CNTNAP4: variants seen among roughly 807,000 people sequenced by gnomAD.
CNTNAP4 encodes the protein contactin associated protein family member 4, also known as contactin-associated protein-like 4.
In CNTNAP4, 98 loss-of-function variants were observed where a neutral mutation model predicts 148.4. The ratio of observed to expected loss-of-function variants is 0.66; its 90% CI spans 0.56 to 0.78. The LOEUF is 0.78. Ranked by LOEUF, CNTNAP4 falls within the 30% of genes least tolerant of loss-of-function variation. The pLI is 0.00. For missense variants in CNTNAP4, 1,935 were observed against 1,565.6 expected, an observed-to-expected ratio of 1.24 and a Z score of -3.98; for synonymous variants, 730 against 565.1, an observed-to-expected ratio of 1.29 and a Z score of -4.14.
chr16:76,367,771 A>C lies in CNTNAP4; in HGVS notation c.390+12260A>C, dbSNP rs888657046. Among the ~76,000 whole-genome samples, 5 of 152,294 alleles carry C rather than the reference A, an allele frequency of 3.3e-5. No homozygotes were observed. The South Asian group carries it at 1.0e-3, about 32-fold the overall frequency. On this transcript the variant is annotated intron_variant, in intron 3 of 23. Transcript: ENST00000611870. The stretch of plus-strand genomic sequence containing the variant: ...ATATCTGAATAACTGTCACTGGCTT[A>C]GTGGGTGTCGCCACCACACATCAGG...
intron 17 of CNTNAP4, among the ~76,000 whole-genome samples, chr16:76,531,574 G>T (rs1597082132): frequency 6.6e-6 from 1 of 152,140 alleles, no homozygotes; most frequent in East Asian, 1.9e-4. Context: ...TTAATTGGAA[G>T]ACAGTTCCAA....
chr16:76,489,716 G>T lies in CNTNAP4; in HGVS notation c.1913G>T (p.Gly638Val). ...ETAWTIIQHN[G>V]SDLTRVRNTN... ...GCATGGACCATCATACAGCACAACG[G>T]CTCTGACTTAACAAGAGTCAGAAAT... Residue 638 changes from glycine (G) to valine (V), a missense_variant, in exon 13 of 24, where the codon GGC becomes GTC. Gly to Val is a moderately radical substitution (Grantham distance 109, BLOSUM62 -3). Coordinates refer to ENST00000611870, the MANE Select transcript of CNTNAP4 (RefSeq NM_033401.5). The T allele has an allele frequency of 6.2e-7, 1 of 1,602,888 alleles. No individual in the cohort carries two copies. Among genetic ancestry groups the T allele is most frequent in the Non-Finnish European group, 8.5e-7 (1 of 1,173,632 alleles).
intron 8 of CNTNAP4, among the ~76,000 whole-genome samples, chr16:76,460,424 T>G (rs1164685765): frequency 6.6e-6 from 1 of 151,642 alleles, no homozygotes; most frequent in Admixed American, 6.6e-5. Flanking sequence ...CTACTATTTC[T>G]ATGTAAGAAC....
chr16:76,297,226 A>G (rs1959406716), intron 1 of CNTNAP4, among the ~76,000 whole-genome samples: 1 of 152,208 alleles, frequency 6.6e-6, no homozygotes, highest in Non-Finnish European at 1.5e-5. Context: ...TTTAGATTTC[A>G]TCATTTCTAA....
At position 76,522,709 on chromosome 16, in the gene CNTNAP4, T is replaced by C. The variant is rs1568497580; in HGVS notation, c.2755+452T>C. On this transcript the variant is annotated intron_variant, in intron 17 of 23. Transcript: ENST00000611870. ...CTCCTTTCTTTTCTTTTCTTTTCTT[T>C]TCTTTTCTTTTCTTTTCTTTTCTTT... Among the ~76,000 whole-genome samples the C allele has an allele frequency of 1.1e-3, 44 of 39,188 alleles. 2 individuals are homozygous for C. The highest frequency in any genetic ancestry group is 3.5e-3 in the Admixed American group (12 of 3,434). 25.7% of individuals were successfully genotyped at this position (39,188 alleles called of 152,430 possible).
rs1213398113 is a variant in CNTNAP4 at position 76,498,669 on chromosome 16, G to T, written c.2340G>T (p.Leu780=). 1 of 1,611,288 alleles carries T rather than the reference G, an allele frequency of 6.2e-7. No homozygotes were observed. The highest frequency in any genetic ancestry group is 8.5e-7 in the Non-Finnish European group (1 of 1,178,682). The part of the protein sequence containing the change: ...GRLHSEAAYK[L]GPLLCQGDRS... ...TGCATTCAGAAGCAGCTTATAAACT[G>T]GGGCCTCTGCTCTGCCAGGGAGACA... The change falls in exon 15 of 24, where the codon CTG becomes CTT. Residue 780 remains leucine, a synonymous_variant. Coordinates refer to ENST00000611870, the MANE Select transcript of CNTNAP4 (RefSeq NM_033401.5).
chr16:76,351,270 A>G lies in CNTNAP4; in HGVS notation c.197-4048A>G, dbSNP rs998698448. 3.3e-5 allele frequency among the ~76,000 whole-genome samples: 5 copies of G among 152,064 alleles called. No individual in the cohort carries two copies. In the South Asian group the frequency reaches 8.3e-4, roughly 25 times the overall value. ...TTACAATAGTGTGTTTCCGAGGGCT[A>G]TGCGGTTTGGCGGTGGCCATACGGC... On this transcript the variant is annotated intron_variant, in intron 2 of 23. Coordinates refer to ENST00000611870, the MANE Select transcript of CNTNAP4 (RefSeq NM_033401.5).
chr16:76,521,996 C>CAT, intron 16 of CNTNAP4, 43 bp from the exon 17 acceptor site: 1 of 1,579,666 alleles, frequency 6.3e-7, no homozygotes, highest in Non-Finnish European at 8.7e-7. Context: ...GGCACTTCGC[C>CAT]ATAGGAACTC....
rs192850651 is a variant in CNTNAP4 at position 76,437,578 on chromosome 16, G to A, written c.538+9979G>A. Among the ~76,000 whole-genome samples, 224 of 152,004 alleles carry A rather than the reference G, an allele frequency of 1.5e-3. 1 individual carries two copies. Among genetic ancestry groups the A allele is most frequent in the African/African-American group, 5.2e-3 (215 of 41,464 alleles). ...ACAAATTAAGTATGTTTGAATGAAT[G>A]GGTTCATGATAATAATAATTGAAAA... On this transcript the variant is annotated intron_variant, in intron 4 of 23. Transcript: ENST00000611870.
chr16:76,505,191 C>A (rs2082799774), intron 15 of CNTNAP4, among the ~76,000 whole-genome samples: 2 of 152,086 alleles, frequency 1.3e-5, no homozygotes, highest in South Asian at 4.1e-4. Flanking sequence ...ATTCCATAGT[C>A]CCCTAAAAAT....
Position 76,522,125 on chromosome 16 carries a change from C to G in CNTNAP4, c.2623C>G (p.Gln875Glu). 1 of 1,613,946 alleles carries G rather than the reference C, an allele frequency of 6.2e-7. No homozygotes were observed. The highest frequency in any genetic ancestry group is 8.5e-7 in the Non-Finnish European group (1 of 1,179,872). ...VQSPTHFNDN[Q>E]WHHVRVERNM... is the part of the protein sequence containing the mutation. Reference sequence around the variant, plus strand: ...GTCACCCACCCACTTCAACGACAACCAGTGGCACCATGTGAGGGTTGAAAG... The same window carrying G: ...GTCACCCACCCACTTCAACGACAACGAGTGGCACCATGTGAGGGTTGAAAG... The change falls in exon 17 of 24, where the codon CAG becomes GAG. Residue 875 changes from glutamine (Q) to glutamate (E), a missense_variant. Gln to Glu is a conservative substitution (Grantham distance 29, BLOSUM62 2). Transcript: ENST00000611870.
chr16:76,487,643 C>CA (rs1217634635), intron 12 of CNTNAP4, among the ~76,000 whole-genome samples: 2 of 152,170 alleles, frequency 1.3e-5, no homozygotes, highest in Non-Finnish European at 2.9e-5. Flanking sequence ...GTGACAATTT[C>CA]ATTGTGTCTG....
chr16:76,509,495 A>G lies in CNTNAP4; in HGVS notation c.2365+10801A>G, dbSNP rs1432896288. ...GAAAGAAAACACCAAATTTAAGCCA[A>G]GATGGCTCATGAAATTTATATATCT... On this transcript the variant is annotated intron_variant, in intron 15 of 23. Coordinates refer to ENST00000611870, the MANE Select transcript of CNTNAP4 (RefSeq NM_033401.5). Among the ~76,000 whole-genome samples the G allele has an allele frequency of 9.2e-5, 9 of 98,330 alleles. 2 individuals carry two copies. Among genetic ancestry groups the G allele is most frequent in the Admixed American group, 3.9e-4 (4 of 10,218 alleles). The allele number at this position is 98,330 out of a possible 152,430, so 64.5% of individuals were successfully genotyped here.
At chr16:76,312,735 C>T (rs1200253138) in intron 1 of CNTNAP4, among the ~76,000 whole-genome samples, 3 of 152,066 alleles carry the variant, frequency 2.0e-5, no homozygotes, top group South Asian at 2.1e-4. Context: ...CCGCAACTCA[C>T]GTTATAGATA....
chr16:76,556,722 A>C (rs528424036), intron 23 of CNTNAP4, among the ~76,000 whole-genome samples: 22 of 152,324 alleles, frequency 1.4e-4, no homozygotes, highest in African/African-American at 5.3e-4. Context: ...TTCTGATTAA[A>C]GTTATTCATT....
intron 12 of CNTNAP4, among the ~76,000 whole-genome samples, chr16:76,482,858 T>C (rs1458590585): frequency 1.3e-5 from 2 of 152,212 alleles, no homozygotes; most frequent in Admixed American, 1.3e-4. Context: ...CAAATGATTC[T>C]TATGTGTACT....
intron 13 of CNTNAP4, among the ~76,000 whole-genome samples, chr16:76,491,569 A>T (rs560556198): frequency 6.6e-6 from 1 of 152,290 alleles, no homozygotes; most frequent in Non-Finnish European, 1.5e-5. Context: ...TTAGTTTGTA[A>T]TGGGTTGTTC....
intron 17 of CNTNAP4, among the ~76,000 whole-genome samples, chr16:76,524,973 G>GA (rs995039985): frequency 4.2e-4 from 60 of 144,100 alleles, no homozygotes; most frequent in South Asian, 2.4e-3. Flanking sequence ...TCATAAAAAA[G>GA]AAAAAAAAAA....
intron 3 of CNTNAP4, among the ~76,000 whole-genome samples, chr16:76,408,216 G>A (rs1484801883): frequency 6.6e-6 from 1 of 151,886 alleles, no homozygotes. Flanking sequence ...TCACTTTATT[G>A]TGGTAGTCTG....
Sources: gnomAD v4.1 joint callset for allele counts (sites outside exome capture counted in the v4.1 genomes callset) on GRCh38, gnomAD v4.1.1 for gene constraint, MANE v1.5 for transcripts, NCBI Gene and HGNC (gene_info 2026-07-23, HGNC 2026-07-21) for gene names.